Variants in LINGO1 observed in about 807,000 individuals in gnomAD.
The protein encoded by LINGO1 is leucine rich repeat and Ig domain containing 1.
Under a neutral mutation model 37.3 loss-of-function variants are expected in LINGO1, and 11 were observed. That is an observed-to-expected ratio of 0.29 (90% CI 0.19 to 0.49). LINGO1 has a LOEUF of 0.49. LINGO1 is among the 20% of genes least tolerant of loss of function. The pLI, the probability that LINGO1 is intolerant of heterozygous loss-of-function variation, is 0.99. For synonymous variants in LINGO1, 387 were observed against 403.0 expected (o/e 0.96, Z 0.48); for missense variants, 585 against 878.2 (o/e 0.67, Z 4.22).
chr15:77,662,287 C>A (rs2075011420), intron 3 of LINGO1, among the ~76,000 whole-genome samples: 1 of 152,190 alleles, frequency 6.6e-6, no homozygotes, highest in African/African-American at 2.4e-5. Context: ...CAGCTCCTGC[C>A]CAAGGGGCCT....
chr15:77,661,759 C>T (rs1188874661), intron 3 of LINGO1, among the ~76,000 whole-genome samples: 1 of 152,236 alleles, frequency 6.6e-6, no homozygotes, highest in Non-Finnish European at 1.5e-5. Context: ...CCAGCGGGGC[C>T]TGAGCAAACA....
chr15:77,715,254 G>A (rs2141300241), intron 2 of LINGO1, among the ~76,000 whole-genome samples: 1 of 152,332 alleles, frequency 6.6e-6, no homozygotes, highest in South Asian at 2.1e-4. Flanking sequence ...CTATCAGCGT[G>A]GGCCCAGCAG....
chr15:77,648,381 A>G (rs1441339234), intron 3 of LINGO1: 8 of 159,368 alleles, frequency 5.0e-5, no homozygotes, highest in African/African-American at 1.7e-4. Context: ...CAGAGCGGCA[A>G]TGTCCACTCA....
intron 2 of LINGO1, among the ~76,000 whole-genome samples, chr15:77,734,304 C>T (rs904017178): frequency 3.3e-5 from 5 of 152,030 alleles, no homozygotes; most frequent in African/African-American, 1.2e-4. Context: ...ACCAGAATTC[C>T]GGAGAGGGAG....
chr15:77,713,611 A>G (rs2075947823), intron 2 of LINGO1, among the ~76,000 whole-genome samples: 1 of 151,902 alleles, frequency 6.6e-6, no homozygotes, highest in African/African-American at 2.4e-5. Context: ...CTATATATAA[A>G]CACTTACATA....
chr15:77,673,107 C>T (rs1327160746), intron 3 of LINGO1, among the ~76,000 whole-genome samples: 2 of 152,142 alleles, frequency 1.3e-5, no homozygotes, highest in East Asian at 1.9e-4. Context: ...AAACCACACA[C>T]AGAAATACAT....
intron 3 of LINGO1, among the ~76,000 whole-genome samples, chr15:77,664,487 A>G (rs1217948737): frequency 6.6e-6 from 1 of 152,024 alleles, no homozygotes; most frequent in African/African-American, 2.4e-5. Context: ...GCAACGTCCC[A>G]TAGGTTCCCC....
chr15:77,788,429 G>A (rs1296266607), upstream of LINGO1: 2 of 152,222 alleles, frequency 1.3e-5, no homozygotes, highest in East Asian at 1.9e-4. Context: ...AGACCCAAAG[G>A]CCTTAGGGAA....
At chr15:77,703,463 C>T (rs2075810468) in intron 2 of LINGO1, among the ~76,000 whole-genome samples, 1 of 152,168 alleles carries the variant, frequency 6.6e-6, no homozygotes, top group Non-Finnish European at 1.5e-5. Context: ...ACTACTAACA[C>T]ACTTTGTGTC....
At chr15:77,684,748 G>A (rs904238948) in intron 2 of LINGO1, among the ~76,000 whole-genome samples, 1 of 152,202 alleles carries the variant, frequency 6.6e-6, no homozygotes, top group African/African-American at 2.4e-5. Flanking sequence ...TAGAGATGCA[G>A]TCCCTCCCCA....
chr15:77,647,702 A>T, intron 3 of LINGO1: 1 of 365,442 alleles, frequency 2.7e-6, no homozygotes, highest in South Asian at 2.1e-5. Context: ...GGCCCTGGCA[A>T]AACGTTGCAC....
At chr15:77,647,037 C>A (rs1215785394) in intron 3 of LINGO1, among the ~76,000 whole-genome samples, 2 of 151,888 alleles carry the variant, frequency 1.3e-5, no homozygotes, top group African/African-American at 4.8e-5. Flanking sequence ...CTGGGACGGG[C>A]CCCCGGTATT....
intron 1 of LINGO1, among the ~76,000 whole-genome samples, chr15:77,748,123 ACT>A (rs1386145420): frequency 6.6e-6 from 1 of 152,108 alleles, no homozygotes. Flanking sequence ...GTGGGTTAAG[ACT>A]CTGGCCACAC....
At chr15:77,691,417 C>T (rs1011027263) in intron 1 of LINGO1, among the ~76,000 whole-genome samples, 1 of 152,152 alleles carries the variant, frequency 6.6e-6, no homozygotes, top group African/African-American at 2.4e-5. Context: ...ACCATGGCCT[C>T]GTGTTTTCCC....
intron 2 of LINGO1, among the ~76,000 whole-genome samples, chr15:77,702,684 G>A (rs2075800121): frequency 6.6e-6 from 1 of 152,128 alleles, no homozygotes. Context: ...CAGCACCCCG[G>A]ACAGCTGCCT....
intron 1 of LINGO1, among the ~76,000 whole-genome samples, chr15:77,755,230 G>A (rs2076408272): frequency 6.6e-6 from 1 of 152,212 alleles, no homozygotes; most frequent in Non-Finnish European, 1.5e-5. Context: ...CTGGCCTAGG[G>A]GAAGGGAGGT....
At chr15:77,652,093 G>A (rs1017765974) in intron 3 of LINGO1, 1 of 152,206 alleles carries the variant, frequency 6.6e-6, no homozygotes, top group Non-Finnish European at 1.5e-5. Context: ...CTCCTGAAAA[G>A]CAGGCACGAA....
chr15:77,644,825 C>T (rs1319487899), intron 3 of LINGO1, among the ~76,000 whole-genome samples: 1 of 152,112 alleles, frequency 6.6e-6, no homozygotes, highest in African/African-American at 2.4e-5. Context: ...CCAGGCCTGG[C>T]CCTGGTGACG....
Position 77,614,436 on chromosome 15 carries a change from C to T in LINGO1, c.1471G>A (p.Asp491Asn), listed in dbSNP as rs777485996. 1 of 1,611,880 alleles carries T rather than the reference C, an allele frequency of 6.2e-7. No homozygotes were observed. The change falls in exon 2 of 2, where the codon GAC (aspartate) becomes AAC (asparagine). Residue 491 changes from aspartate (D) to asparagine (N), a missense_variant. Asp to Asn is a conservative substitution (Grantham distance 23, BLOSUM62 1). Transcript: ENST00000355300. ...GCGATGCACAGGTACGTGCCGTTGT[C>T]CTGTACCTGGGCGTAGCGCACCTCC... ...TLEVRYAQVQDNGTYLCIAAN... is the reference protein window; with the variant it reads ...TLEVRYAQVQNNGTYLCIAAN...
Sources: allele counts gnomAD v4.1 joint callset (sites outside exome capture counted in the v4.1 genomes callset), GRCh38; gene constraint gnomAD v4.1.1; transcripts MANE v1.5; gene names NCBI Gene and HGNC (gene_info 2026-07-23, HGNC 2026-07-21).